Variants in NLGN1 observed in about 807,000 individuals in gnomAD.
NLGN1 encodes neuroligin-1.
In NLGN1, 12 loss-of-function variants were observed where a neutral mutation model predicts 65.5. The observed-to-expected ratio is 0.18, with a 90% CI of 0.12 to 0.30. The LOEUF is 0.30. Ranked by LOEUF, NLGN1 falls within the 10% of genes least tolerant of loss-of-function variation. NLGN1 has a pLI of 1.00. For synonymous variants in NLGN1, 350 were observed against 359.5 expected (o/e 0.97, Z 0.30); for missense variants, 750 against 1,007.1 (o/e 0.74, Z 3.46).
chr3:173,789,847 A>G (rs764741769), intron 3 of NLGN1: 17 of 511,858 alleles, frequency 3.3e-5, no homozygotes, highest in African/African-American at 2.7e-4. Flanking sequence ...CATTTTCTAT[A>G]TTTTTCCCAA....
chr3:174,058,385 T>C (rs1297639490), intron 4 of NLGN1, among the ~76,000 whole-genome samples: 5 of 152,118 alleles, frequency 3.3e-5, no homozygotes, highest in Non-Finnish European at 7.3e-5. Flanking sequence ...AGCATCTGAA[T>C]TGGACACACT....
At chr3:173,855,840 TATA>T (rs1476123419) in intron 4 of NLGN1, among the ~76,000 whole-genome samples, 2 of 152,142 alleles carry the variant, frequency 1.3e-5, no homozygotes, top group Admixed American at 6.5e-5. Flanking sequence ...TTTTATAATT[TATA>T]ATATTATGGT....
intron 4 of NLGN1, among the ~76,000 whole-genome samples, chr3:174,070,117 T>C (rs1490548513): frequency 1.3e-5 from 2 of 152,104 alleles, no homozygotes; most frequent in African/African-American, 2.4e-5. Flanking sequence ...GATGATGGCT[T>C]TGGAAGGAGT....
chr3:174,114,362 C>A (rs1373964223), intron 4 of NLGN1, among the ~76,000 whole-genome samples: 3 of 152,104 alleles, frequency 2.0e-5, no homozygotes, highest in Non-Finnish European at 4.4e-5. Context: ...CAACTTACAG[C>A]CCCCAGTAAT....
intron 2 of NLGN1, among the ~76,000 whole-genome samples, chr3:173,491,107 CG>C (rs1335893998): frequency 6.6e-6 from 1 of 151,458 alleles, no homozygotes; most frequent in Non-Finnish European, 1.5e-5. Flanking sequence ...GCCTGATTGC[CG>C]TGGCCAGAAC....
intron 3 of NLGN1, among the ~76,000 whole-genome samples, chr3:173,615,772 G>T (rs1310477497): frequency 3.4e-5 from 5 of 144,958 alleles, no homozygotes; most frequent in Admixed American, 6.9e-5. Context: ...AAAGCCTAAA[G>T]TGTACCTATA....
chr3:173,859,172 CCAACA>C (rs1185992462), intron 4 of NLGN1, among the ~76,000 whole-genome samples: 1 of 151,918 alleles, frequency 6.6e-6, no homozygotes, highest in East Asian at 1.9e-4. Flanking sequence ...GGAAGTCTTC[CCAACA>C]CAAGGGATTT....
intron 4 of NLGN1, among the ~76,000 whole-genome samples, chr3:174,256,415 A>G (rs1745771530): frequency 6.6e-6 from 1 of 152,276 alleles, no homozygotes; most frequent in East Asian, 1.9e-4. Flanking sequence ...TATTTTTTCT[A>G]GTGACATAAT....
chr3:174,241,598 G>T (rs1387776046), intron 4 of NLGN1, among the ~76,000 whole-genome samples: 1 of 150,358 alleles, frequency 6.7e-6, no homozygotes, highest in Non-Finnish European at 1.5e-5. Flanking sequence ...ACAATCTTTT[G>T]GGCACACAGG....
At chr3:173,745,903 A>G (rs906954776) in intron 3 of NLGN1, among the ~76,000 whole-genome samples, 5 of 152,114 alleles carry the variant, frequency 3.3e-5, no homozygotes, top group African/African-American at 7.2e-5. Flanking sequence ...ACAGATAGGG[A>G]AACTGAGGCT....
chr3:173,843,778 GTCT>G (rs1317293101), intron 4 of NLGN1, among the ~76,000 whole-genome samples: 2 of 152,070 alleles, frequency 1.3e-5, no homozygotes, highest in African/African-American at 2.4e-5. Flanking sequence ...ACATTTTCCT[GTCT>G]TCTTCTGAGC....
chr3:173,958,294 G>T (rs1279528759), intron 4 of NLGN1, among the ~76,000 whole-genome samples: 1 of 152,196 alleles, frequency 6.6e-6, no homozygotes, highest in Non-Finnish European at 1.5e-5. Context: ...TGGACAAGTG[G>T]AGGTTGAGCA....
intron 3 of NLGN1, among the ~76,000 whole-genome samples, chr3:173,609,220 T>C (rs1445871008): frequency 1.3e-5 from 2 of 151,974 alleles, no homozygotes; most frequent in African/African-American, 4.8e-5. Context: ...TTACTATTAT[T>C]TGCATAGCTC....
chr3:173,579,454 G>A (rs1746042288), intron 2 of NLGN1, among the ~76,000 whole-genome samples: 1 of 152,216 alleles, frequency 6.6e-6, no homozygotes, highest in Non-Finnish European at 1.5e-5. Context: ...TCCAGCCTGG[G>A]CAAGACAGTG....
chr3:174,143,918 T>A (rs904217665), intron 4 of NLGN1, among the ~76,000 whole-genome samples: 2 of 152,164 alleles, frequency 1.3e-5, no homozygotes, highest in African/African-American at 4.8e-5. Context: ...AATTGATAGT[T>A]TTTTTATTAT....
At chr3:174,126,078 C>T (rs961232006) in intron 4 of NLGN1, among the ~76,000 whole-genome samples, 1 of 152,072 alleles carries the variant, frequency 6.6e-6, no homozygotes, top group East Asian at 1.9e-4. Context: ...GGAGGCAAAT[C>T]TGTGTTCACC....
At chr3:173,672,330 T>A (rs899711759) in intron 3 of NLGN1, among the ~76,000 whole-genome samples, 5 of 152,218 alleles carry the variant, frequency 3.3e-5, no homozygotes, top group African/African-American at 1.2e-4. Flanking sequence ...TCAGATGTTT[T>A]TGATCCATAC....
At chr3:173,687,566 C>G (rs920683943) in intron 3 of NLGN1, among the ~76,000 whole-genome samples, 5 of 152,104 alleles carry the variant, frequency 3.3e-5, no homozygotes, top group African/African-American at 1.2e-4. Flanking sequence ...AAAAATGTCT[C>G]TGGACTTATA....
chr3:173,449,192 G>A (rs898802835), intron 2 of NLGN1, among the ~76,000 whole-genome samples: 3 of 151,630 alleles, frequency 2.0e-5, no homozygotes, highest in African/African-American at 4.9e-5. Context: ...TTTCTCTTGT[G>A]GGCATTTAGT....
Sources: allele counts gnomAD v4.1 joint callset (sites outside exome capture counted in the v4.1 genomes callset), GRCh38; gene constraint gnomAD v4.1.1; transcripts MANE v1.5; gene names NCBI Gene and HGNC (gene_info 2026-07-23, HGNC 2026-07-21).